Variants in LRRC28 observed in about 807,000 individuals in gnomAD.
LRRC28 encodes leucine rich repeat containing 28, also known as leucine-rich repeat-containing protein 28.
LRRC28 carries 39 observed loss-of-function variants against 45.7 expected under a neutral mutation model. That is an observed-to-expected ratio of 0.85 (90% CI 0.66 to 1.12). The LOEUF is 1.12. LRRC28 is among the 50% of genes most tolerant of loss of function. The pLI is 0.00. For missense variants in LRRC28, 435 were observed against 438.5 expected (o/e 0.99, Z 0.07); for synonymous variants, 206 against 178.8 (o/e 1.15, Z -1.22).
intron 5 of LRRC28, among the ~76,000 whole-genome samples, chr15:99,294,650 G>A (rs895882232): frequency 6.6e-6 from 1 of 152,152 alleles, no homozygotes; most frequent in Non-Finnish European, 1.5e-5. Flanking sequence ...ATGGAGCAAG[G>A]CAGCTCTCTG....
At chr15:99,300,252 A>G (rs1567641358) in intron 5 of LRRC28, among the ~76,000 whole-genome samples, 1 of 152,106 alleles carries the variant, frequency 6.6e-6, no homozygotes, top group Non-Finnish European at 1.5e-5. Flanking sequence ...AGATGTTGAA[A>G]TAATTAAAAA....
chr15:99,324,548 G>A (rs1955906429), intron 5 of LRRC28, among the ~76,000 whole-genome samples: 1 of 152,102 alleles, frequency 6.6e-6, no homozygotes, highest in Admixed American at 6.6e-5. Context: ...TAAATTTTAG[G>A]TTAGGTCATT....
chr15:99,261,178 A>G (rs1597157428), intron 2 of LRRC28, among the ~76,000 whole-genome samples: 1 of 152,358 alleles, frequency 6.6e-6, no homozygotes, highest in Middle Eastern at 3.4e-3. Flanking sequence ...GAACTAAAGC[A>G]CAAGAAAAAG....
chr15:99,389,691 G>C lies in LRRC28; in HGVS notation c.*3589G>C, dbSNP rs1487376866. The C allele has an allele frequency of 6.6e-6, 1 of 151,902 alleles. No homozygotes were observed. The highest frequency in any genetic ancestry group is 1.5e-5 in the Non-Finnish European group (1 of 68,012). The allele number at this position is 151,902 out of a possible 1,614,324, so 9.4% of individuals were successfully genotyped here. A position where few individuals can be genotyped will look rare whatever the true frequency, so the allele number is the denominator to read the frequency against. On this transcript the variant is annotated 3_prime_UTR_variant, in exon 10 of 10. Transcript: ENST00000301981. Reference sequence around the variant, plus strand: ...TGTTTTATTATGCCTTCATTTTTGTGGTTTTCATTCACTCCTGCTTGCTTC... The same window carrying C: ...TGTTTTATTATGCCTTCATTTTTGTCGTTTTCATTCACTCCTGCTTGCTTC...
chr15:99,265,539 G>T (rs1443784743), intron 2 of LRRC28, among the ~76,000 whole-genome samples: 2 of 152,180 alleles, frequency 1.3e-5, no homozygotes, highest in Non-Finnish European at 2.9e-5. Context: ...GGGGGCTGAG[G>T]TAGAGCCTTA....
chr15:99,289,586 T>C (rs1597250113), intron 5 of LRRC28, among the ~76,000 whole-genome samples: 1 of 152,242 alleles, frequency 6.6e-6, no homozygotes, highest in South Asian at 2.1e-4. Context: ...ACTAATGGAT[T>C]AATTTTTAGA....
intron 5 of LRRC28, among the ~76,000 whole-genome samples, chr15:99,304,689 CA>C (rs1366495687): frequency 1.3e-5 from 2 of 152,086 alleles, no homozygotes; most frequent in Admixed American, 6.5e-5. Context: ...TCAAGTGACC[CA>C]CCTGCCTGTG....
chr15:99,383,917 C>A (rs1957906179), intron 9 of LRRC28, among the ~76,000 whole-genome samples: 1 of 152,120 alleles, frequency 6.6e-6, no homozygotes, highest in Non-Finnish European at 1.5e-5. Context: ...TTCCCAGGTG[C>A]TTAATGTATC....
In LRRC28 at chr15:99,345,187, C is replaced by T. The variant is rs1956639972; in HGVS notation, c.593-7182C>T. Among the ~76,000 whole-genome samples the T allele has an allele frequency of 2.6e-5, 4 of 151,784 alleles. No individual in the cohort carries two copies. In the South Asian group the frequency reaches 8.3e-4, roughly 32 times the overall value. On this transcript the variant is annotated intron_variant, in intron 6 of 9. Transcript: ENST00000301981. ...TTAGTAAATAGAACAAGGATTCAAA[C>T]CCCAGTTGTCGGACTCCAAGACTGT...
chr15:99,370,645 A>T (rs1420996355), intron 9 of LRRC28, among the ~76,000 whole-genome samples: 1 of 152,236 alleles, frequency 6.6e-6, no homozygotes, highest in African/African-American at 2.4e-5. Context: ...CTGTATACAT[A>T]TTAAAAAAGA....
chr15:99,340,576 T>A (rs1956474111), intron 6 of LRRC28, among the ~76,000 whole-genome samples: 1 of 152,258 alleles, frequency 6.6e-6, no homozygotes, highest in African/African-American at 2.4e-5. Context: ...GAACTGTGAA[T>A]GTATTTCATC....
intron 9 of LRRC28, among the ~76,000 whole-genome samples, chr15:99,371,199 A>AT (rs1957475220): frequency 1.3e-5 from 2 of 152,206 alleles, no homozygotes; most frequent in Non-Finnish European, 2.9e-5. Flanking sequence ...CCTCTTGTTT[A>AT]TTAATTTATC....
chr15:99,353,096 T>C (rs931994604), intron 7 of LRRC28, among the ~76,000 whole-genome samples: 2 of 152,208 alleles, frequency 1.3e-5, no homozygotes, highest in African/African-American at 4.8e-5. Context: ...TGGCTTCATC[T>C]TCTCCTTCTA....
rs2081922554 is a variant in LRRC28 at position 99,285,104 on chromosome 15, C to A, written c.210-2153C>A. On this transcript the variant is annotated intron_variant, in intron 3 of 9. Transcript: ENST00000301981. ...TGGTATTTCTGAGTGACAGTCTTAT[C>A]CACGAAGTCATGGTCATCAAAGGTT... 4.3e-6 allele frequency: 3 copies of A among 705,602 alleles called. No individual in the cohort carries two copies. In the African/African-American group the frequency reaches 5.2e-5, roughly 12 times the overall value. The allele number at this position is 705,602 out of a possible 1,614,324, so 43.7% of individuals were successfully genotyped here.
chr15:99,345,823 G>A (rs1431028625), intron 6 of LRRC28, among the ~76,000 whole-genome samples: 1 of 152,156 alleles, frequency 6.6e-6, no homozygotes, highest in Non-Finnish European at 1.5e-5. Context: ...CCTTGCAACC[G>A]ATAAGATTGA....
At chr15:99,320,212 C>T (rs983864499) in intron 5 of LRRC28, among the ~76,000 whole-genome samples, 2 of 151,990 alleles carry the variant, frequency 1.3e-5, no homozygotes, top group African/African-American at 2.4e-5. Flanking sequence ...TTTTTAAGTT[C>T]TTCTTGTATA....
rs911751545 is a variant in LRRC28, at chr15:99,388,573, C to T, written c.*2471C>T. On this transcript the variant is annotated 3_prime_UTR_variant, in exon 10 of 10. Transcript: ENST00000301981. ...TATGGAAATTTTATGCTGGATTTAT[C>T]GATGTCATTCTTAATCTTTTGATAC... 2 of 152,142 alleles carry T rather than the reference C, an allele frequency of 1.3e-5. No homozygotes were observed. The highest frequency in any genetic ancestry group is 2.1e-4 in the South Asian group (1 of 4,834). The allele number at this position is 152,142 out of a possible 1,614,324, so 9.4% of individuals were successfully genotyped here.
In LRRC28 at chr15:99,386,832, C is replaced by G. The variant is rs1365085518; in HGVS notation, c.*730C>G. On this transcript the variant is annotated 3_prime_UTR_variant, in exon 10 of 10. Coordinates refer to ENST00000301981, the MANE Select transcript of LRRC28 (RefSeq NM_144598.5). ...AATGATTTTTGAAGTTTTTAAATTT[C>G]CTGATAAGATTTTTTTTATATGAGA... The G allele has an allele frequency of 6.6e-6, 1 of 151,966 alleles. No individual in the cohort carries two copies. Among genetic ancestry groups the G allele is most frequent in the Non-Finnish European group, 1.5e-5 (1 of 68,004 alleles). 9.4% of individuals were successfully genotyped at this position (151,966 alleles called of 1,614,324 possible). A position where few individuals can be genotyped will look rare whatever the true frequency, so the allele number is the denominator to read the frequency against.
intron 2 of LRRC28, among the ~76,000 whole-genome samples, chr15:99,263,318 CAA>C (rs34133374): frequency 5.0e-4 from 35 of 70,492 alleles, no homozygotes; most frequent in Middle Eastern, 8.6e-3. Context: ...GACCCTGTCT[CAA>C]AAAAAAAAAA....
Sources: gnomAD v4.1 joint callset for allele counts (sites outside exome capture counted in the v4.1 genomes callset) on GRCh38, gnomAD v4.1.1 for gene constraint, MANE v1.5 for transcripts, NCBI Gene and HGNC (gene_info 2026-07-23, HGNC 2026-07-21) for gene names.